The following CIB4 variants were observed in gnomAD, a reference collection of about 807,000 sequenced individuals.
CIB4 encodes the protein calcium and integrin-binding family member 4.
A neutral mutation model predicts 25.8 loss-of-function variants in CIB4; 25 were observed. The ratio of observed to expected loss-of-function variants is 0.97; its 90% CI spans 0.71 to 1.35. The LOEUF is 1.35. CIB4 is among the 40% of genes most tolerant of loss of function. The pLI is 0.00. For missense variants in CIB4, 235 were observed against 228.2 expected, an observed-to-expected ratio of 1.03 and a Z score of -0.19; for synonymous variants, 75 against 81.4, an observed-to-expected ratio of 0.92 and a Z score of 0.42.
intron 3 of CIB4, chr2:26,605,462 T>C (rs1190301738): frequency 2.1e-6 from 1 of 469,716 alleles, no homozygotes; most frequent in African/African-American, 2.0e-5. Context: ...CCACCCACGG[T>C]GACTTGGACG....
At chr2:26,620,225 C>A (rs1246564514) in intron 3 of CIB4, among the ~76,000 whole-genome samples, 1 of 151,750 alleles carries the variant, frequency 6.6e-6, no homozygotes, top group Non-Finnish European at 1.5e-5. Flanking sequence ...AATCCCACAG[C>A]GGGGAAGGTG....
chr2:26,605,375 G>A (rs1668868773), intron 3 of CIB4: 1 of 346,394 alleles, frequency 2.9e-6, no homozygotes, highest in Non-Finnish European at 6.0e-6. Flanking sequence ...TCAGCTGGTG[G>A]ATGGTGGAAC....
chr2:26,629,504 A>G lies in CIB4; in HGVS notation c.92T>C (p.Ile31Thr). 1 of 1,565,630 alleles carries G rather than the reference A, an allele frequency of 6.4e-7. No homozygotes were observed. The highest frequency in any genetic ancestry group is 1.3e-5 in the African/African-American group (1 of 74,322). ...GCAGAGCTTCAGGAAGGTGTCATGGATGCTGAAAAGAGAGGCATGAAGACC... is the reference window on the plus strand; with the variant it reads ...GCAGAGCTTCAGGAAGGTGTCATGGGTGCTGAAAAGAGAGGCATGAAGACC... ...TFLTRNEILC[I>T]HDTFLKLCPP... Residue 31 changes from isoleucine to threonine, a missense_variant and splice_region_variant, in exon 3 of 7, where the codon ATC becomes ACC. Ile to Thr is a moderately conservative substitution (Grantham distance 89, BLOSUM62 -1). Coordinates refer to ENST00000288861, the MANE Select transcript of CIB4 (RefSeq NM_001029881.3).
chr2:26,590,272 A>AAAC (rs1306570125), intron 4 of CIB4, among the ~76,000 whole-genome samples: 1 of 151,108 alleles, frequency 6.6e-6, no homozygotes, highest in Admixed American at 6.6e-5. Context: ...AAAAAAAAAA[A>AAAC]AAAAAAAAAA....
chr2:26,626,328 A>C (rs371774440), intron 3 of CIB4, among the ~76,000 whole-genome samples: 1,752 of 102,476 alleles, frequency 0.017, 28 homozygotes, highest in African/African-American at 0.048. Context: ...TCAGTTCAAA[A>C]GACGGTTCTG....
intron 3 of CIB4, among the ~76,000 whole-genome samples, chr2:26,611,506 A>C (rs1458585005): frequency 6.6e-6 from 1 of 152,202 alleles, no homozygotes; most frequent in African/African-American, 2.4e-5. Context: ...AGTTTCCCCT[A>C]TGAGGCATAA....
At chr2:26,637,082 G>C (rs62129519) in intron 2 of CIB4, among the ~76,000 whole-genome samples, 9,309 of 152,190 alleles carry the variant, frequency 0.061, 433 homozygotes, top group Non-Finnish European at 0.097. Flanking sequence ...CTGAGTCAGG[G>C]GCCTGTCTGG....
intron 5 of CIB4, among the ~76,000 whole-genome samples, chr2:26,583,443 T>C (rs963540571): frequency 1.3e-5 from 2 of 152,118 alleles, no homozygotes; most frequent in East Asian, 1.9e-4. Flanking sequence ...CCCTCTGAGG[T>C]TGAGCTGTTG....
chr2:26,582,033 G>A (rs1335015107), intron 6 of CIB4, among the ~76,000 whole-genome samples: 2 of 152,244 alleles, frequency 1.3e-5, no homozygotes, highest in Non-Finnish European at 2.9e-5. Flanking sequence ...GAGTGAGCGT[G>A]GAGGGGCGAT....
chr2:26,595,887 T>A (rs1304134530), intron 3 of CIB4, among the ~76,000 whole-genome samples: 1 of 144,390 alleles, frequency 6.9e-6, no homozygotes, highest in Non-Finnish European at 1.5e-5. Context: ...GTCACATGAC[T>A]TATCTGCGCG....
At chr2:26,603,589 A>G (rs1488688329) in intron 3 of CIB4, among the ~76,000 whole-genome samples, 1 of 152,210 alleles carries the variant, frequency 6.6e-6, no homozygotes, top group Non-Finnish European at 1.5e-5. Flanking sequence ...TAACATTTAA[A>G]TGAATGCAAC....
chr2:26,612,551 G>A (rs1275974), intron 3 of CIB4, among the ~76,000 whole-genome samples: 103,561 of 151,982 alleles, frequency 0.68, 35,548 homozygotes, highest in African/African-American at 0.75. Context: ...CTGGTGGCTC[G>A]GAGGCCTCTC....
intron 2 of CIB4, among the ~76,000 whole-genome samples, chr2:26,640,032 C>T (rs938695652): frequency 7.9e-5 from 11 of 139,230 alleles, no homozygotes; most frequent in Middle Eastern, 3.6e-3. Flanking sequence ...CAACAGGGAG[C>T]GGGGCTGCTC....
Position 26,632,867 on chromosome 2 carries a change from GT to G in CIB4, c.90-3362del, listed in dbSNP as rs1214050991. Among the ~76,000 whole-genome samples, 3 of 152,228 alleles carry G rather than the reference GT, an allele frequency of 2.0e-5. No individual in the cohort carries two copies. The East Asian group carries it at 5.8e-4, about 29-fold the overall frequency. On this transcript the variant is annotated intron_variant, in intron 2 of 6. Coordinates refer to ENST00000288861, the MANE Select transcript of CIB4 (RefSeq NM_001029881.3). Reference sequence around the variant, plus strand: ...TCATAGTTAGAATTGCTGGCTTGAGGTGATAAAGAACAGACCCACTTTCAAT... The same window carrying G: ...TCATAGTTAGAATTGCTGGCTTGAGGGATAAAGAACAGACCCACTTTCAAT...
chr2:26,597,580 A>C (rs1041644883), intron 3 of CIB4, among the ~76,000 whole-genome samples: 1 of 152,236 alleles, frequency 6.6e-6, no homozygotes, highest in Middle Eastern at 3.2e-3. Flanking sequence ...AGTGTAAGGA[A>C]GAAATCTTAC....
intron 4 of CIB4, among the ~76,000 whole-genome samples, chr2:26,594,779 C>G (rs1668648195): frequency 6.6e-6 from 1 of 152,118 alleles, no homozygotes; most frequent in African/African-American, 2.4e-5. Flanking sequence ...GATGAGAAAA[C>G]TGAGCCCCAG....
rs572979740 is a variant in CIB4, at chr2:26,606,401, G to A, written c.187-11084C>T. ...GAAGACAGAGGGGAGCAAAGCCGAG[G>A]CCAAATCCAGAAGGGAGGGAGATGT... On this transcript the variant is annotated intron_variant, in intron 3 of 6. Coordinates refer to ENST00000288861, the MANE Select transcript of CIB4 (RefSeq NM_001029881.3). Among the ~76,000 whole-genome samples, 5 of 152,332 alleles carry A rather than the reference G, an allele frequency of 3.3e-5. No homozygotes were observed. The East Asian group carries it at 7.7e-4, about 24-fold the overall frequency.
intron 3 of CIB4, among the ~76,000 whole-genome samples, chr2:26,618,918 G>T (rs1669148059): frequency 6.6e-6 from 1 of 152,242 alleles, no homozygotes; most frequent in Non-Finnish European, 1.5e-5. Context: ...GGTAGCCTGG[G>T]TGAGACCATC....
At chr2:26,617,147 T>TGTGTGTGTGTGTGCGCGCGC (rs10665609) in intron 3 of CIB4, among the ~76,000 whole-genome samples, 2 of 150,534 alleles carry the variant, frequency 1.3e-5, no homozygotes, top group South Asian at 4.2e-4. Context: ...TGTGTGTGTG[T>TGTGTGTGTGTGTGCGCGCGC]GCACGTGAGC....
Sources: gnomAD v4.1 joint callset for allele counts (sites outside exome capture counted in the v4.1 genomes callset) on GRCh38, gnomAD v4.1.1 for gene constraint, MANE v1.5 for transcripts, NCBI Gene and HGNC (gene_info 2026-07-23, HGNC 2026-07-21) for gene names.